Variants in AGK observed in about 807,000 individuals in gnomAD.
AGK encodes acylglycerol kinase, mitochondrial.
A neutral mutation model predicts 66.4 loss-of-function variants in AGK; 52 were observed. That is an observed-to-expected ratio of 0.78 (90% CI 0.63 to 0.99). The LOEUF is 0.99. AGK is among the 50% of genes least tolerant of loss of function. The probability of loss-of-function intolerance (pLI) is 0.00; values close to 1 mark genes in which losing one functional copy is unlikely to be tolerated. For missense variants in AGK, 451 were observed against 506.6 expected (o/e 0.89, Z 1.05); for synonymous variants, 182 against 181.1 (o/e 1.00, Z -0.04).
chr7:141,614,392 A>G (rs939246188), intron 7 of AGK, among the ~76,000 whole-genome samples: 3 of 152,142 alleles, frequency 2.0e-5, no homozygotes, highest in Non-Finnish European at 2.9e-5. Context: ...ATGGTATCCA[A>G]TAACTTTGAC....
chr7:141,594,596 A>G (rs1796191092), intron 3 of AGK, among the ~76,000 whole-genome samples: 1 of 152,010 alleles, frequency 6.6e-6, no homozygotes, highest in African/African-American at 2.4e-5. Context: ...CTCTCTCCTC[A>G]TACTTTTTCA....
At chr7:141,553,598 G>A (rs1795144816) in intron 1 of AGK, among the ~76,000 whole-genome samples, 1 of 152,164 alleles carries the variant, frequency 6.6e-6, no homozygotes, top group Non-Finnish European at 1.5e-5. Context: ...ATTCTTCTCT[G>A]CCCTCACCCC....
chr7:141,626,909 G>T (rs1346206301), intron 9 of AGK, among the ~76,000 whole-genome samples: 1 of 152,190 alleles, frequency 6.6e-6, no homozygotes, highest in Admixed American at 6.5e-5. Context: ...GGACAGTGGT[G>T]TTATGGTTAA....
chr7:141,607,956 C>T (rs1796499634), intron 5 of AGK, among the ~76,000 whole-genome samples: 1 of 151,932 alleles, frequency 6.6e-6, no homozygotes, highest in South Asian at 2.1e-4. Context: ...TCTGTCAAAT[C>T]TGTCAAGATC....
At chr7:141,569,117 G>C (rs375485898) in intron 2 of AGK, among the ~76,000 whole-genome samples, 1 of 152,150 alleles carries the variant, frequency 6.6e-6, no homozygotes, top group East Asian at 1.9e-4. Context: ...CTAAGCATTG[G>C]TGCAAGCCAC....
chr7:141,634,571 T>C (rs555732936), intron 10 of AGK, among the ~76,000 whole-genome samples: 61 of 152,310 alleles, frequency 4.0e-4, no homozygotes, highest in African/African-American at 1.4e-3. Context: ...ATCCATTGTA[T>C]GCAATGAAAC....
chr7:141,564,036 C>T (rs1429789845), intron 2 of AGK, among the ~76,000 whole-genome samples: 1 of 152,178 alleles, frequency 6.6e-6, no homozygotes, highest in African/African-American at 2.4e-5. Context: ...TCATAACTCA[C>T]TGCAGCCTCA....
At chr7:141,626,512 G>T (rs943952521) in intron 9 of AGK, among the ~76,000 whole-genome samples, 2 of 152,182 alleles carry the variant, frequency 1.3e-5, no homozygotes, top group African/African-American at 4.8e-5. Flanking sequence ...GAAATCTAGT[G>T]ATCAAACTTA....
At chr7:141,576,777 T>C (rs1337742050) in intron 2 of AGK, among the ~76,000 whole-genome samples, 4 of 152,044 alleles carry the variant, frequency 2.6e-5, no homozygotes, top group Non-Finnish European at 5.9e-5. Context: ...TGGTGGCTCA[T>C]GCCTGTAATC....
At chr7:141,561,025 C>A (rs2116856003) in intron 2 of AGK, among the ~76,000 whole-genome samples, 1 of 152,232 alleles carries the variant, frequency 6.6e-6, no homozygotes, top group Non-Finnish European at 1.5e-5. Flanking sequence ...GATCTCCTGA[C>A]CTCGTGATCC....
At chr7:141,571,879 A>G (rs559665957) in intron 2 of AGK, among the ~76,000 whole-genome samples, 4 of 152,342 alleles carry the variant, frequency 2.6e-5, no homozygotes, top group African/African-American at 4.8e-5. Context: ...TCAGACAGAA[A>G]TAACACTTCT....
Position 141,555,547 on chromosome 7 carries a change from T to C in AGK, c.81T>C (p.His27=). ...TCTGCCTGCTGACCTGGGGAGGCCATTGGCTCTATGGAAAACACTGGTAAC... is the reference window on the plus strand; with the variant it reads ...TCTGCCTGCTGACCTGGGGAGGCCACTGGCTCTATGGAAAACACTGGTAAC... ...AGLCLLTWGG[H]WLYGKHCDNL... The change falls in exon 2 of 16, where the codon CAT becomes CAC. Residue 27 remains histidine (H), a synonymous_variant. Coordinates refer to ENST00000649286, the MANE Select transcript of AGK (RefSeq NM_018238.4). The surrounding 1 kb of genome is among the most constrained non-coding windows in gnomAD (Gnocchi z 4.2). The C allele has an allele frequency of 6.8e-6, 11 of 1,613,860 alleles. No homozygotes were observed. Among genetic ancestry groups the C allele is most frequent in the Non-Finnish European group, 9.3e-6 (11 of 1,179,858 alleles).
At chr7:141,607,848 C>A (rs1181456699) in intron 5 of AGK, among the ~76,000 whole-genome samples, 1 of 151,730 alleles carries the variant, frequency 6.6e-6, no homozygotes, top group African/African-American at 2.4e-5. Flanking sequence ...GTTAGGCCAC[C>A]TTTTTATCCT....
At chr7:141,600,328 A>G (rs1234059248) in intron 4 of AGK, among the ~76,000 whole-genome samples, 1 of 152,172 alleles carries the variant, frequency 6.6e-6, no homozygotes, top group Non-Finnish European at 1.5e-5. Context: ...TTGTTTTGCA[A>G]CTTCTGTGTC....
intron 2 of AGK, among the ~76,000 whole-genome samples, chr7:141,575,951 G>A (rs1208888315): frequency 6.6e-6 from 1 of 152,140 alleles, no homozygotes. Flanking sequence ...CCTTGGAATA[G>A]CTATTTTGTC....
chr7:141,554,487 T>TC (rs1367782892), intron 1 of AGK, among the ~76,000 whole-genome samples: 2 of 152,286 alleles, frequency 1.3e-5, no homozygotes, highest in Middle Eastern at 3.4e-3. Flanking sequence ...TTGGGTTTTT[T>TC]CCCCCATCAG....
intron 2 of AGK, among the ~76,000 whole-genome samples, chr7:141,583,450 T>G (rs1269755755): frequency 4.4e-3 from 194 of 43,872 alleles, no homozygotes; most frequent in Middle Eastern, 0.02. Context: ...CCCAAGAAAG[T>G]GGAGAGAAAA....
At chr7:141,621,021 G>GA (rs2116973996) in intron 8 of AGK, among the ~76,000 whole-genome samples, 1 of 152,308 alleles carries the variant, frequency 6.6e-6, no homozygotes, top group African/African-American at 2.4e-5. Context: ...TAAGGGAAGA[G>GA]AAAAAACTGA....
At position 141,560,795 on chromosome 7, in the gene AGK, CT is replaced by C. The variant is rs71172604; in HGVS notation, c.101+5247del. The stretch of plus-strand genomic sequence containing the variant: ...CAGGTTGCTGCAAGTGCCATTCTTT[CT>C]TTTTTTTTTTTTTTTTTTGAGCCGG... On this transcript the variant is annotated intron_variant, in intron 2 of 15. Coordinates refer to ENST00000649286, the MANE Select transcript of AGK (RefSeq NM_018238.4). 6.9e-3 allele frequency among the ~76,000 whole-genome samples: 861 copies of C among 123,974 alleles called. 1 individual carries two copies. Among genetic ancestry groups the C allele is most frequent in the African/African-American group, 0.022 (762 of 33,882 alleles). The allele number at this position is 123,974 out of a possible 152,430, so 81.3% of individuals were successfully genotyped here.
Sources: allele counts gnomAD v4.1 joint callset (sites outside exome capture counted in the v4.1 genomes callset), GRCh38; gene constraint gnomAD v4.1.1; non-coding constraint Gnocchi (gnomAD v3.1); transcripts MANE v1.5; gene names NCBI Gene and HGNC (gene_info 2026-07-23, HGNC 2026-07-21).